Variants in KIF16B observed in about 807,000 individuals in gnomAD.
The protein encoded by KIF16B is kinesin-like protein KIF16B.
In KIF16B, 98 loss-of-function variants were observed where a neutral mutation model predicts 156.3. The observed-to-expected ratio is 0.63, with a 90% CI of 0.53 to 0.74. The LOEUF (loss-of-function observed/expected upper bound fraction) is 0.74. KIF16B is among the 30% of genes least tolerant of loss of function. KIF16B has a pLI of 0.00. For synonymous variants in KIF16B, 564 were observed against 583.7 expected (o/e 0.97, Z 0.49); for missense variants, 1,421 against 1,606.5 (o/e 0.88, Z 1.97).
intron 12 of KIF16B, among the ~76,000 whole-genome samples, chr20:16,468,540 C>T (rs148205348): frequency 7.7e-6 from 1 of 129,340 alleles, no homozygotes; most frequent in South Asian, 2.4e-4. Context: ...CAAGCCACTG[C>T]ACTCCAGCTT....
At chr20:16,391,364 C>T (rs78316543) in intron 17 of KIF16B, among the ~76,000 whole-genome samples, 1,655 of 152,278 alleles carry the variant, frequency 0.011, 25 homozygotes, top group African/African-American at 0.036. Flanking sequence ...TGGTGGTTCA[C>T]TCGCCCATAA....
chr20:16,297,626 G>T (rs1007031083), intron 25 of KIF16B, among the ~76,000 whole-genome samples: 1 of 151,508 alleles, frequency 6.6e-6, no homozygotes, highest in African/African-American at 2.4e-5. Context: ...AACCCAGGAG[G>T]CGGAGCTTGC....
intron 23 of KIF16B, among the ~76,000 whole-genome samples, chr20:16,355,440 G>A (rs1165951415): frequency 2.0e-5 from 3 of 152,150 alleles, no homozygotes; most frequent in Admixed American, 1.3e-4. Flanking sequence ...AAATTGCAGC[G>A]GGGTCACAGT....
At chr20:16,285,140 T>C (rs188994150) in intron 25 of KIF16B, among the ~76,000 whole-genome samples, 2 of 152,334 alleles carry the variant, frequency 1.3e-5, no homozygotes, top group East Asian at 3.9e-4. Context: ...TTCATCTTAC[T>C]TTAAAATTAA....
At chr20:16,417,017 T>G (rs2066106840) in intron 15 of KIF16B, among the ~76,000 whole-genome samples, 1 of 152,126 alleles carries the variant, frequency 6.6e-6, no homozygotes. Flanking sequence ...CAGATCCCTG[T>G]TGCTTTATTC....
intron 12 of KIF16B, among the ~76,000 whole-genome samples, chr20:16,438,436 A>C (rs1377346492): frequency 6.6e-6 from 1 of 152,190 alleles, no homozygotes; most frequent in Non-Finnish European, 1.5e-5. Flanking sequence ...ACTGTGTCTA[A>C]TTTATAAATT....
chr20:16,406,004 G>C (rs1234535065), intron 16 of KIF16B, among the ~76,000 whole-genome samples: 1 of 152,100 alleles, frequency 6.6e-6, no homozygotes, highest in African/African-American at 2.4e-5. Flanking sequence ...TCTGTTTACT[G>C]TGGCTGATTT....
chr20:16,492,375 T>G (rs2068320432), intron 12 of KIF16B, among the ~76,000 whole-genome samples: 2 of 152,138 alleles, frequency 1.3e-5, no homozygotes, highest in Non-Finnish European at 2.9e-5. Context: ...GACTACAGGT[T>G]TAAAGCACAA....
chr20:16,327,323 C>A (rs2063872709), intron 24 of KIF16B, among the ~76,000 whole-genome samples: 2 of 151,852 alleles, frequency 1.3e-5, no homozygotes, highest in South Asian at 4.1e-4. Flanking sequence ...GGATAATAGA[C>A]TACACATTGG....
intron 15 of KIF16B, among the ~76,000 whole-genome samples, chr20:16,416,491 C>G (rs772324386): frequency 6.6e-6 from 1 of 151,998 alleles, no homozygotes; most frequent in Non-Finnish European, 1.5e-5. Context: ...AACCAAACAC[C>G]ACATGTTCTC....
intron 25 of KIF16B, among the ~76,000 whole-genome samples, chr20:16,282,901 T>G (rs535914523): frequency 6.6e-6 from 1 of 152,184 alleles, no homozygotes; most frequent in East Asian, 1.9e-4. Context: ...AAATGATGCT[T>G]ATGATGCCAG....
intron 25 of KIF16B, among the ~76,000 whole-genome samples, chr20:16,289,747 A>G (rs1181436607): frequency 6.6e-6 from 1 of 152,190 alleles, no homozygotes; most frequent in Non-Finnish European, 1.5e-5. Flanking sequence ...AGGCTGAGGC[A>G]GGAGAATGGA....
At chr20:16,289,133 C>T (rs2063275575) in intron 25 of KIF16B, among the ~76,000 whole-genome samples, 1 of 152,116 alleles carries the variant, frequency 6.6e-6, no homozygotes, top group South Asian at 2.1e-4. Flanking sequence ...AATCATCTAA[C>T]AAAAAGTCTA....
intron 24 of KIF16B, among the ~76,000 whole-genome samples, chr20:16,315,934 A>G (rs555533918): frequency 6.6e-6 from 1 of 152,298 alleles, no homozygotes; most frequent in East Asian, 1.9e-4. Flanking sequence ...GCCATAATGT[A>G]AAGTATAGGA....
At chr20:16,311,971 A>G (rs560765098) in intron 25 of KIF16B, among the ~76,000 whole-genome samples, 2 of 152,368 alleles carry the variant, frequency 1.3e-5, no homozygotes, top group East Asian at 1.9e-4. Context: ...ATGTAATACT[A>G]TAAATTTTCA....
intron 22 of KIF16B, chr20:16,368,714 C>G: frequency 1.0e-6 from 1 of 985,918 alleles, no homozygotes; most frequent in Non-Finnish European, 1.2e-6. Flanking sequence ...GACGCCAGTA[C>G]GCTCTGCGGG....
At chr20:16,505,547 C>T (rs562541239) in intron 9 of KIF16B, among the ~76,000 whole-genome samples, 175 bp downstream of exon 9, 20 of 152,280 alleles carry the variant, frequency 1.3e-4, no homozygotes, top group African/African-American at 4.8e-4. Context: ...AATGATGATA[C>T]TATAGACTGG....
intron 25 of KIF16B, among the ~76,000 whole-genome samples, chr20:16,303,718 A>G (rs541593679): frequency 6.6e-6 from 1 of 152,336 alleles, no homozygotes; most frequent in South Asian, 2.1e-4. Context: ...GCCTCTCATA[A>G]AACATAAAAT....
intron 12 of KIF16B, among the ~76,000 whole-genome samples, chr20:16,435,227 T>C (rs572959744): frequency 1.3e-5 from 2 of 152,228 alleles, no homozygotes; most frequent in Admixed American, 1.3e-4. Context: ...CTGTACCGGT[T>C]TGAGAACGTT....
Sources: gnomAD v4.1 joint callset for allele counts (sites outside exome capture counted in the v4.1 genomes callset) on GRCh38, gnomAD v4.1.1 for gene constraint, MANE v1.5 for transcripts, NCBI Gene and HGNC (gene_info 2026-07-23, HGNC 2026-07-21) for gene names.